Variants in COBL observed in about 807,000 individuals in gnomAD.
The protein encoded by COBL is cordon-bleu WH2 repeat protein, also known as protein cordon-bleu.
Under a neutral mutation model 98.8 loss-of-function variants are expected in COBL, and 51 were observed. That is an observed-to-expected ratio of 0.52 (90% CI 0.41 to 0.65). The LOEUF is 0.65. COBL is among the 30% of genes least tolerant of loss of function. The pLI is 0.00. For synonymous variants in COBL, 634 were observed against 651.7 expected (o/e 0.97, Z 0.41); for missense variants, 1,617 against 1,617.5 (o/e 1.00, Z 0.01).
chr7:51,134,006 G>A (rs1340940142), intron 6 of COBL, among the ~76,000 whole-genome samples: 1 of 152,054 alleles, frequency 6.6e-6, no homozygotes, highest in Non-Finnish European at 1.5e-5. Context: ...TTACAAACTA[G>A]TCATGTCCCT....
At chr7:51,043,735 G>A in intron 7 of COBL, 43 bp from the exon 8 acceptor site, 1 of 1,552,220 alleles carries the variant, frequency 6.4e-7, no homozygotes, top group African/African-American at 1.4e-5. Context: ...AAACCACTCT[G>A]GCGTCCATAC....
intron 7 of COBL, among the ~76,000 whole-genome samples, chr7:51,062,647 C>T (rs545285192): frequency 1.4e-4 from 21 of 152,294 alleles, no homozygotes; most frequent in African/African-American, 4.3e-4. Context: ...TGCATGGAAA[C>T]GTGGGCGCTT....
chr7:51,042,241 T>C (rs1222644401), intron 8 of COBL, among the ~76,000 whole-genome samples: 1 of 152,180 alleles, frequency 6.6e-6, no homozygotes, highest in Middle Eastern at 3.2e-3. Context: ...AAGACAATCA[T>C]TGTACAAGAA....
intron 6 of COBL, among the ~76,000 whole-genome samples, chr7:51,108,155 G>A (rs1796480700): frequency 6.6e-6 from 1 of 152,120 alleles, no homozygotes; most frequent in Admixed American, 6.5e-5. Context: ...CTGCCACTGT[G>A]GGCCAAGCTC....
intron 6 of COBL, among the ~76,000 whole-genome samples, chr7:51,115,636 T>C (rs1280496402): frequency 6.6e-6 from 1 of 152,132 alleles, no homozygotes; most frequent in East Asian, 1.9e-4. Flanking sequence ...CTTTTAAGTA[T>C]ATTGAGATGT....
intron 1 of COBL, among the ~76,000 whole-genome samples, chr7:51,300,062 G>A (rs187016707): frequency 2.0e-4 from 31 of 152,236 alleles, no homozygotes; most frequent in African/African-American, 7.0e-4. Flanking sequence ...GTCTATTGCC[G>A]CTGTGCCTTC....
At chr7:51,157,714 G>A (rs1484451733) in intron 5 of COBL, among the ~76,000 whole-genome samples, 1 of 151,970 alleles carries the variant, frequency 6.6e-6, no homozygotes, top group Non-Finnish European at 1.5e-5. Context: ...ATCACTTCAG[G>A]AAGTCTATTT....
intron 5 of COBL, among the ~76,000 whole-genome samples, chr7:51,183,235 A>G (rs114167151): frequency 0.014 from 2,156 of 152,324 alleles, 49 homozygotes; most frequent in African/African-American, 0.05. Flanking sequence ...CAGTCTTCAC[A>G]TCTCTTGTAG....
Position 51,028,792 on chromosome 7 carries a change from T to C in COBL, c.2304A>G (p.Arg768=), listed in dbSNP as rs1166366228. 5.6e-6 allele frequency: 9 copies of C among 1,614,206 alleles called. No homozygotes were observed. The highest frequency in any genetic ancestry group is 7.6e-6 in the Non-Finnish European group (9 of 1,180,036). Residue 768 remains arginine, a synonymous_variant, in exon 10 of 13, where the codon AGA becomes AGG. Transcript: ENST00000265136. ...EAESQPIGKV[R]EFWRCNSVEK... ...CCACAGAGTTGCACCTCCAGAACTCTCTGACTTTCCCAATGGGCTGAGATT... is the reference window on the plus strand; with the variant it reads ...CCACAGAGTTGCACCTCCAGAACTCCCTGACTTTCCCAATGGGCTGAGATT...
At chr7:51,177,326 T>C (rs1788469718) in intron 5 of COBL, among the ~76,000 whole-genome samples, 2 of 152,202 alleles carry the variant, frequency 1.3e-5, no homozygotes. Context: ...TCAAGATACA[T>C]AATTAAAATT....
intron 1 of COBL, among the ~76,000 whole-genome samples, chr7:51,262,256 G>A (rs1234298762): frequency 6.6e-6 from 1 of 152,176 alleles, no homozygotes; most frequent in East Asian, 1.9e-4. Context: ...GCAAGACAGG[G>A]GCACACCTGG....
intron 2 of COBL, among the ~76,000 whole-genome samples, chr7:51,193,862 T>C (rs1340836845): frequency 6.6e-6 from 1 of 152,242 alleles, no homozygotes; most frequent in African/African-American, 2.4e-5. Context: ...CAAGGGTATG[T>C]TGAGTTGGAT....
intron 8 of COBL, among the ~76,000 whole-genome samples, chr7:51,036,905 C>CA (rs1228166315): frequency 1.3e-5 from 2 of 152,176 alleles, no homozygotes; most frequent in African/African-American, 4.8e-5. Context: ...CCCTAGAACT[C>CA]AGATTTTCAC....
chr7:51,147,624 AC>A (rs906860483), intron 5 of COBL, among the ~76,000 whole-genome samples: 4 of 152,198 alleles, frequency 2.6e-5, no homozygotes, highest in Admixed American at 2.6e-4. Flanking sequence ...AAAGGTGAAA[AC>A]ACCTCCAAAT....
intron 1 of COBL, among the ~76,000 whole-genome samples, chr7:51,226,552 G>A (rs190468888): frequency 6.8e-6 from 1 of 147,920 alleles, no homozygotes; most frequent in East Asian, 2.2e-4. Flanking sequence ...GTGAGTAAGT[G>A]AGTGACTAAG....
At chr7:51,273,483 A>G (rs1303581539) in intron 1 of COBL, among the ~76,000 whole-genome samples, 2 of 152,160 alleles carry the variant, frequency 1.3e-5, no homozygotes, top group African/African-American at 4.8e-5. Flanking sequence ...TTACCAAAAA[A>G]CAAAAACAAA....
At chr7:51,116,966 G>A (rs1797319687) in intron 6 of COBL, among the ~76,000 whole-genome samples, 1 of 151,600 alleles carries the variant, frequency 6.6e-6, no homozygotes. Flanking sequence ...TAAGTTCTAG[G>A]GTACATGTGC....
At chr7:51,135,233 G>C (rs1208814294) in intron 6 of COBL, among the ~76,000 whole-genome samples, 1 of 152,180 alleles carries the variant, frequency 6.6e-6, no homozygotes, top group South Asian at 2.1e-4. Context: ...AAAGCGCCGG[G>C]ATTACAGGCG....
intron 1 of COBL, among the ~76,000 whole-genome samples, chr7:51,224,357 T>C (rs1334478449): frequency 1.6e-5 from 2 of 122,028 alleles, no homozygotes; most frequent in Non-Finnish European, 3.4e-5. Context: ...AAGCCTGAGA[T>C]AGGAATGAAA....
Sources: gnomAD v4.1 joint callset for allele counts (sites outside exome capture counted in the v4.1 genomes callset) on GRCh38, gnomAD v4.1.1 for gene constraint, MANE v1.5 for transcripts, NCBI Gene and HGNC (gene_info 2026-07-23, HGNC 2026-07-21) for gene names.